Variants in DGKB observed in about 807,000 individuals in gnomAD.
DGKB encodes the protein diacylglycerol kinase beta, also known as 90 kDa diacylglycerol kinase.
A neutral mutation model predicts 114.3 loss-of-function variants in DGKB; 67 were observed. The observed-to-expected ratio is 0.59, with a 90% CI of 0.48 to 0.72. DGKB has a LOEUF of 0.72. Among genes scored for constraint, DGKB ranks in the 30% least tolerant of loss-of-function variants. The probability of loss-of-function intolerance (pLI) is 0.00; values close to 1 mark genes in which losing one functional copy is unlikely to be tolerated. For missense variants in DGKB, 907 were observed against 975.2 expected (o/e 0.93, Z 0.93); for synonymous variants, 398 against 323.1 (o/e 1.23, Z -2.49).
chr7:14,222,568 G>T (rs1361553171), intron 23 of DGKB, among the ~76,000 whole-genome samples: 1 of 151,294 alleles, frequency 6.6e-6, no homozygotes, highest in Non-Finnish European at 1.5e-5. Context: ...GAGAATGTTT[G>T]ATGTACACTT....
intron 23 of DGKB, among the ~76,000 whole-genome samples, chr7:14,200,748 C>G (rs1013244594): frequency 1.4e-4 from 22 of 151,776 alleles, no homozygotes; most frequent in African/African-American, 4.6e-4. Flanking sequence ...AGAGCACTAA[C>G]ATGTAAAAAA....
intron 12 of DGKB, among the ~76,000 whole-genome samples, chr7:14,677,245 G>A (rs371872926): frequency 6.6e-6 from 1 of 151,938 alleles, no homozygotes. Flanking sequence ...AATGGGATCT[G>A]AGAAGTCAAA....
At chr7:14,443,589 T>C (rs1830354787) in intron 21 of DGKB, among the ~76,000 whole-genome samples, 1 of 152,106 alleles carries the variant, frequency 6.6e-6, no homozygotes, top group Non-Finnish European at 1.5e-5. Flanking sequence ...CTGACTTCTA[T>C]TGTCGATGTT....
intron 2 of DGKB, among the ~76,000 whole-genome samples, chr7:14,793,137 T>G (rs1428348779): frequency 6.6e-6 from 1 of 152,140 alleles, no homozygotes; most frequent in Non-Finnish European, 1.5e-5. Context: ...GCCACAGACT[T>G]CTTAGAATGC....
chr7:14,569,602 G>T (rs534539905), intron 20 of DGKB, among the ~76,000 whole-genome samples: 94 of 152,062 alleles, frequency 6.2e-4, no homozygotes, highest in African/African-American at 2.1e-3. Flanking sequence ...TTCCTCATTG[G>T]TTCATTCATC....
chr7:14,956,132 A>G (rs1193469429), intron 1 of DGKB, among the ~76,000 whole-genome samples: 2 of 152,048 alleles, frequency 1.3e-5, no homozygotes, highest in Non-Finnish European at 2.9e-5. Flanking sequence ...TAACTTTAAG[A>G]AAAATGATAA....
chr7:14,741,212 G>A (rs1832538953), intron 4 of DGKB, among the ~76,000 whole-genome samples: 1 of 152,132 alleles, frequency 6.6e-6, no homozygotes, highest in Admixed American at 6.5e-5. Flanking sequence ...CAGGGGAGGG[G>A]AACCCAGAAG....
At chr7:14,595,818 T>C (rs917291044) in intron 17 of DGKB, among the ~76,000 whole-genome samples, 1 of 152,008 alleles carries the variant, frequency 6.6e-6, no homozygotes, top group African/African-American at 2.4e-5. Context: ...GAATGATTTA[T>C]TAAGATATGT....
chr7:14,547,811 AAAT>A (rs1794526572), intron 20 of DGKB, among the ~76,000 whole-genome samples: 1 of 152,128 alleles, frequency 6.6e-6, no homozygotes, highest in African/African-American at 2.4e-5. Flanking sequence ...CCTAGAAATT[AAAT>A]GACTGAAAGA....
At chr7:14,331,903 TAC>T (rs1006191374) in intron 23 of DGKB, among the ~76,000 whole-genome samples, 13 of 152,294 alleles carry the variant, frequency 8.5e-5, no homozygotes, top group African/African-American at 2.9e-4. Flanking sequence ...GCCAATCAGA[TAC>T]ACAGTCTCTC....
intron 23 of DGKB, among the ~76,000 whole-genome samples, chr7:14,200,312 C>T (rs941601412): frequency 2.0e-5 from 3 of 151,940 alleles, no homozygotes; most frequent in Non-Finnish European, 2.9e-5. Flanking sequence ...GAGTGCAAGA[C>T]CTAGCAGTTA....
chr7:14,500,759 G>A (rs898598898), intron 20 of DGKB, among the ~76,000 whole-genome samples: 1 of 151,744 alleles, frequency 6.6e-6, no homozygotes, highest in African/African-American at 2.4e-5. Flanking sequence ...GGAGTCTACT[G>A]GTGAAGATTT....
intron 20 of DGKB, among the ~76,000 whole-genome samples, chr7:14,516,783 T>C (rs937592052): frequency 8.5e-5 from 13 of 152,098 alleles, no homozygotes; most frequent in Non-Finnish European, 1.5e-4. Flanking sequence ...GCAGAGACTA[T>C]GCAATGGAAA....
intron 25 of DGKB, among the ~76,000 whole-genome samples, chr7:14,170,955 A>G (rs1035212670): frequency 6.6e-6 from 1 of 152,168 alleles, no homozygotes; most frequent in Non-Finnish European, 1.5e-5. Context: ...AAGTCAGAAA[A>G]TAGCATCTCA....
rs1554298987 is a variant in DGKB, at chr7:14,840,744, A to ACACACACACC, written c.70+449_70+450insGGTGTGTGTG. Among the ~76,000 whole-genome samples, 975 of 116,264 alleles carry ACACACACACC rather than the reference A, an allele frequency of 8.4e-3. 5 individuals are homozygous for ACACACACACC. The highest frequency in any genetic ancestry group is 0.026 in the Middle Eastern group (5 of 194). The allele number at this position is 116,264 out of a possible 152,430, so 76.3% of individuals were successfully genotyped here. ...CACACACACACACACACACACACAC[A>ACACACACACC]CCTCTCCCTTTTCCCTCCCTCTTGA... is the stretch of plus-strand genomic sequence containing the variant. On this transcript the variant is annotated intron_variant, in intron 2 of 25. Transcript: ENST00000402815.
intron 12 of DGKB, among the ~76,000 whole-genome samples, chr7:14,678,083 AC>A (rs1243858583): frequency 2.8e-4 from 43 of 152,168 alleles, no homozygotes; most frequent in African/African-American, 9.1e-4. Context: ...ATAAAACAAA[AC>A]TTAAATAGTA....
intron 1 of DGKB, among the ~76,000 whole-genome samples, chr7:14,847,929 GAAGTA>G (rs972566881): frequency 1.2e-4 from 18 of 152,276 alleles, no homozygotes; most frequent in African/African-American, 4.3e-4. Flanking sequence ...TGGTAAGCAA[GAAGTA>G]AAGGAGCACA....
At chr7:14,370,760 C>G (rs554547066) in intron 21 of DGKB, among the ~76,000 whole-genome samples, 14 of 152,186 alleles carry the variant, frequency 9.2e-5, no homozygotes, top group Middle Eastern at 3.4e-3. Flanking sequence ...TAAAAATGAT[C>G]CTGTCACCCA....
At chr7:14,324,268 G>A (rs1013296157) in intron 23 of DGKB, among the ~76,000 whole-genome samples, 1 of 151,982 alleles carries the variant, frequency 6.6e-6, no homozygotes, top group Admixed American at 6.6e-5. Context: ...GGCCAACATG[G>A]TGAAATTGTC....
Sources: gnomAD v4.1 joint callset for allele counts (sites outside exome capture counted in the v4.1 genomes callset) on GRCh38, gnomAD v4.1.1 for gene constraint, MANE v1.5 for transcripts, NCBI Gene and HGNC (gene_info 2026-07-23, HGNC 2026-07-21) for gene names.